Variants in DACH1 observed in about 807,000 individuals in gnomAD.
DACH1 encodes the protein dachshund family transcription factor 1, also known as dachshund homolog 1.
A neutral mutation model predicts 54.2 loss-of-function variants in DACH1; 12 were observed. The observed-to-expected ratio is 0.22, with a 90% confidence interval of 0.14 to 0.36. The LOEUF is 0.36. Ranked by LOEUF, DACH1 falls within the 10% of genes least tolerant of loss-of-function variation. The probability of loss-of-function intolerance (pLI) is 1.00; values close to 1 mark genes in which losing one functional copy is unlikely to be tolerated. For missense variants in DACH1, 805 were observed against 929.8 expected, an observed-to-expected ratio of 0.87 and a Z score of 1.75; for synonymous variants, 386 against 366.2, an observed-to-expected ratio of 1.05 and a Z score of -0.62.
intron 1 of DACH1, among the ~76,000 whole-genome samples, chr13:71,728,901 T>C (rs1883605736): frequency 6.6e-6 from 1 of 151,992 alleles, no homozygotes; most frequent in African/African-American, 2.4e-5. Context: ...CCTGTTTGGG[T>C]TTTGTTTGGT....
intron 3 of DACH1, among the ~76,000 whole-genome samples, chr13:71,622,535 A>T (rs1441761614): frequency 6.6e-6 from 1 of 151,966 alleles, no homozygotes; most frequent in African/African-American, 2.4e-5. Flanking sequence ...AACAAATTGA[A>T]TATGACCTGG....
At chr13:71,812,267 C>T (rs530027855) in intron 1 of DACH1, among the ~76,000 whole-genome samples, 16 of 152,284 alleles carry the variant, frequency 1.1e-4, no homozygotes, top group Non-Finnish European at 2.1e-4. Context: ...GTCTACTTGT[C>T]TCCCTTACAG....
At chr13:71,826,496 C>T (rs1888386612) in intron 1 of DACH1, among the ~76,000 whole-genome samples, 1 of 151,886 alleles carries the variant, frequency 6.6e-6, no homozygotes, top group African/African-American at 2.4e-5. Context: ...GATGGCATTC[C>T]TAGGAACATC....
At chr13:71,522,165 G>A (rs1414460293) in intron 6 of DACH1, among the ~76,000 whole-genome samples, 1 of 152,098 alleles carries the variant, frequency 6.6e-6, no homozygotes, top group Non-Finnish European at 1.5e-5. Context: ...TAAGCAGAGA[G>A]CTTTCAAGTT....
intron 6 of DACH1, among the ~76,000 whole-genome samples, chr13:71,516,507 C>T (rs1881167487): frequency 6.6e-6 from 1 of 151,858 alleles, no homozygotes; most frequent in Non-Finnish European, 1.5e-5. Flanking sequence ...TGTCAAACGC[C>T]TTATGACTTA....
chr13:71,534,056 G>T (rs1338157123), intron 6 of DACH1, among the ~76,000 whole-genome samples: 1 of 151,936 alleles, frequency 6.6e-6, no homozygotes, highest in East Asian at 1.9e-4. Flanking sequence ...ATGAAATTTT[G>T]ACTTCTTCAC....
chr13:71,548,926 AAAAG>A (rs1883631351), intron 6 of DACH1, among the ~76,000 whole-genome samples: 1 of 152,136 alleles, frequency 6.6e-6, no homozygotes, highest in Non-Finnish European at 1.5e-5. Flanking sequence ...CCAAAAAGAA[AAAAG>A]AAAGAAAGAA....
At chr13:71,526,616 A>G (rs1032906326) in intron 6 of DACH1, among the ~76,000 whole-genome samples, 1 of 151,970 alleles carries the variant, frequency 6.6e-6, no homozygotes, top group African/African-American at 2.4e-5. Flanking sequence ...AATAAGCACT[A>G]TATACAGGTT....
At chr13:71,592,494 CA>C (rs575364116) in intron 3 of DACH1, among the ~76,000 whole-genome samples, 495 of 32,796 alleles carry the variant, frequency 0.015, no homozygotes, top group South Asian at 0.051. Flanking sequence ...GACTCTATCT[CA>C]AAAAAAAAAA....
chr13:71,572,908 T>C lies in DACH1; in HGVS notation c.1231A>G (p.Ile411Val). The C allele has an allele frequency of 2.5e-6, 4 of 1,614,010 alleles. No individual in the cohort carries two copies. Among genetic ancestry groups the C allele is most frequent in the Non-Finnish European group, 3.4e-6 (4 of 1,179,936 alleles). ...AMSQMNHLST[I>V]ANMAAAAQVQ... ...TGTGCTGCTGCTGCCATATTTGCAA[T>C]GGTGCTGAGGTGGTTCATCTGGCTC... Residue 411 changes from isoleucine to valine, a missense_variant, in exon 4 of 11, where the codon ATT (isoleucine) becomes GTT (valine). Coordinates refer to ENST00000613252, the MANE Select transcript of DACH1 (RefSeq NM_080759.6).
chr13:71,861,907 CAAAAAAAAAAA>C (rs71126514), intron 1 of DACH1, among the ~76,000 whole-genome samples: 3 of 86,504 alleles, frequency 3.5e-5, no homozygotes, highest in Admixed American at 1.2e-4. Flanking sequence ...AACTCCTAAC[CAAAAAAAAAAA>C]AAAAAAAAAA....
rs1872821800 is a variant in DACH1 at position 71,841,259 on chromosome 13, C to A, written c.848+24663G>T. Reference sequence around the variant, plus strand: ...TTTAATACGTATATGTGCTGTGAGGCAACTCAAAAGAGAACTTTAAAAAAT... The same window carrying A: ...TTTAATACGTATATGTGCTGTGAGGAAACTCAAAAGAGAACTTTAAAAAAT... On this transcript the variant is annotated intron_variant, in intron 1 of 10. Transcript: ENST00000613252. 2.6e-5 allele frequency among the ~76,000 whole-genome samples: 4 copies of A among 151,992 alleles called. No individual in the cohort carries two copies. The South Asian group carries it at 8.3e-4, about 31-fold the overall frequency.
chr13:71,680,860 A>G (rs1203538316), intron 2 of DACH1, among the ~76,000 whole-genome samples: 1 of 152,098 alleles, frequency 6.6e-6, no homozygotes, highest in Non-Finnish European at 1.5e-5. Context: ...ATATCAGAGC[A>G]CACAGAAAGA....
At position 71,572,554 on chromosome 13, in the gene DACH1, G is replaced by A. The variant is rs959371326; in HGVS notation, c.1299+286C>T. Among the ~76,000 whole-genome samples, 7 of 151,884 alleles carry A rather than the reference G, an allele frequency of 4.6e-5. No homozygotes were observed. In the East Asian group the frequency reaches 5.8e-4, roughly 13 times the overall value. ...CATAAATGCTCATAACACCACACAC[G>A]CATACACACAACTACCTATGTAAGA... On this transcript the variant is annotated intron_variant, in intron 4 of 10. Transcript: ENST00000613252.
intron 1 of DACH1, among the ~76,000 whole-genome samples, chr13:71,800,559 G>A (rs1887251417): frequency 6.6e-6 from 1 of 152,044 alleles, no homozygotes; most frequent in African/African-American, 2.4e-5. Flanking sequence ...AAAGAAAGTA[G>A]GTACAGCATA....
At chr13:71,610,033 T>C (rs1450712838) in intron 3 of DACH1, among the ~76,000 whole-genome samples, 3 of 152,012 alleles carry the variant, frequency 2.0e-5, no homozygotes, top group African/African-American at 7.3e-5. Flanking sequence ...TGTTCTAAAG[T>C]ATGGCCAGTT....
intron 1 of DACH1, among the ~76,000 whole-genome samples, chr13:71,841,628 C>T (rs1014512444): frequency 6.6e-6 from 1 of 152,128 alleles, no homozygotes; most frequent in African/African-American, 2.4e-5. Context: ...GTGGTTGTCC[C>T]ACTCAAACAA....
At chr13:71,633,646 T>A (rs189964738) in intron 2 of DACH1, among the ~76,000 whole-genome samples, 23 of 152,002 alleles carry the variant, frequency 1.5e-4, no homozygotes, top group Admixed American at 1.5e-3. Context: ...ATGCTGTAAC[T>A]TAACTACAAC....
At chr13:71,846,697 AT>A (rs1241178138) in intron 1 of DACH1, among the ~76,000 whole-genome samples, 2 of 152,324 alleles carry the variant, frequency 1.3e-5, no homozygotes, top group South Asian at 4.1e-4. Flanking sequence ...ATAATAGGAA[AT>A]AAAATTTTCA....
Sources: gnomAD v4.1 joint callset for allele counts (sites outside exome capture counted in the v4.1 genomes callset) on GRCh38, gnomAD v4.1.1 for gene constraint, MANE v1.5 for transcripts, NCBI Gene and HGNC (gene_info 2026-07-23, HGNC 2026-07-21) for gene names.